Variants in ECI1 observed in about 807,000 individuals in gnomAD.
The protein encoded by ECI1 is enoyl-CoA delta isomerase 1, also known as enoyl-CoA delta isomerase 1, mitochondrial.
ECI1 carries 34 observed loss-of-function variants against 34.2 expected under a neutral mutation model. The observed-to-expected ratio is 1.00, with a 90% CI of 0.76 to 1.33. The LOEUF (loss-of-function observed/expected upper bound fraction) is 1.33, where lower values mean the gene tolerates loss of function less well. ECI1 is among the 40% of genes most tolerant of loss of function. The pLI is 0.00. For missense variants in ECI1, 456 were observed against 422.2 expected (o/e 1.08, Z -0.70); for synonymous variants, 211 against 193.0 (o/e 1.09, Z -0.77).
Position 2,242,801 on chromosome 16 carries a change from G to A in ECI1, c.742+245C>T, listed in dbSNP as rs1477507079. 63 of 553,294 alleles carry A rather than the reference G, an allele frequency of 1.1e-4. 1 individual carries two copies. In the South Asian group the frequency reaches 1.2e-3, roughly 11 times the overall value. 34.3% of individuals were successfully genotyped at this position (553,294 alleles called of 1,614,324 possible). On this transcript the variant is annotated intron_variant, in intron 6 of 6. Coordinates refer to ENST00000301729, the MANE Select transcript of ECI1 (RefSeq NM_001919.4). ...GGGCAGGAAGGAGCCTCCCTGGAAC[G>A]CAGGGAGGAAGTGCAGTCCTGCCCA...
Position 2,243,230 on chromosome 16 carries a change from A to T in ECI1, c.564-6T>A. 6.2e-7 allele frequency: 1 copy of T among 1,612,646 alleles called. No homozygotes were observed. Among genetic ancestry groups the T allele is most frequent in the African/African-American group, 1.3e-5 (1 of 75,058 alleles). On this transcript the variant is annotated splice_region_variant and splice_polypyrimidine_tract_variant and intron_variant, in intron 5 of 6. Coordinates refer to ENST00000301729, the MANE Select transcript of ECI1 (RefSeq NM_001919.4). ...TCTCCAGGGTGTCTTTCAACCTGGA[A>T]ATGCAGACACCCACTCACCACATGG...
chr16:2,250,036 T>G (rs902720265), intron 2 of ECI1, among the ~76,000 whole-genome samples: 2 of 150,232 alleles, frequency 1.3e-5, no homozygotes, highest in Non-Finnish European at 3.0e-5. Flanking sequence ...AATAATTTTT[T>G]TTTTTGCATT....
intron 2 of ECI1, among the ~76,000 whole-genome samples, chr16:2,248,636 A>T (rs1471826292): frequency 6.6e-6 from 1 of 150,628 alleles, no homozygotes; most frequent in Non-Finnish European, 1.5e-5. Context: ...CTGGTCATGA[A>T]CTTCTGACCT....
chr16:2,241,763 C>T (rs888897051), intron 6 of ECI1: 3 of 152,106 alleles, frequency 2.0e-5, no homozygotes, highest in African/African-American at 4.8e-5. Flanking sequence ...ATGATCTTGG[C>T]TCACTGCAAC....
intron 6 of ECI1, chr16:2,240,967 T>C (rs897150961): frequency 1.3e-5 from 2 of 152,114 alleles, no homozygotes; most frequent in African/African-American, 4.8e-5. Flanking sequence ...AGTGCCGGGA[T>C]TGCAGGTGTG....
intron 3 of ECI1, among the ~76,000 whole-genome samples, chr16:2,245,404 G>A (rs969374471): frequency 2.0e-5 from 3 of 152,238 alleles, no homozygotes; most frequent in African/African-American, 7.2e-5. Context: ...CGAGGAGGAG[G>A]CGGCTGGGAC....
chr16:2,243,290 G>C (rs1295006228), intron 5 of ECI1, 28 bp downstream of exon 5: 3 of 1,613,374 alleles, frequency 1.9e-6, no homozygotes, highest in Non-Finnish European at 2.5e-6. Flanking sequence ...CAACAAGCAT[G>C]GAGCGTGGCT....
Position 2,244,355 on chromosome 16 carries a change from G to A in ECI1, c.441+51C>T. 4 of 1,588,550 alleles carry A rather than the reference G, an allele frequency of 2.5e-6. No homozygotes were observed. The East Asian group carries it at 9.1e-5, about 36-fold the overall frequency. ...CAGGACAGTGTCTGTCCCACCCCCTGGCGCTGGCCCAGAACAGCCAGCGAG... is the reference window on the plus strand; with the variant it reads ...CAGGACAGTGTCTGTCCCACCCCCTAGCGCTGGCCCAGAACAGCCAGCGAG... On this transcript the variant is annotated intron_variant, in intron 4 of 6. Transcript: ENST00000301729.
chr16:2,240,070 T>A lies in ECI1; in HGVS notation c.818A>T (p.Asp273Val). 1 of 1,614,036 alleles carries A rather than the reference T, an allele frequency of 6.2e-7. No homozygotes were observed. Among genetic ancestry groups the A allele is most frequent in the Non-Finnish European group, 8.5e-7 (1 of 1,180,046 alleles). Residue 273 changes from aspartate (D) to valine (V), a missense_variant, in exon 7 of 7, where the codon GAC becomes GTC. By Grantham distance (152) the Asp-to-Val change is radical. Coordinates refer to ENST00000301729, the MANE Select transcript of ECI1 (RefSeq NM_001919.4). ...GATGAAGCTGACGAAGTTCTGCACG[T>A]CCGCATCGCGCTGCGTGACCAGGCG... ...ASRLVTQRDA[D>V]VQNFVSFISK... is the part of the protein sequence containing the mutation.
rs375350226 is a variant in ECI1, at chr16:2,243,334, T to C, written c.547A>G (p.Ile183Val). 1 of 1,613,708 alleles carries C rather than the reference T, an allele frequency of 6.2e-7. No homozygotes were observed. Among genetic ancestry groups the C allele is most frequent in the South Asian group, 1.1e-5 (1 of 91,088 alleles). ...GGGCCTTACCAGAAAGGGGCGATGA[T>C]GCCCAGCTGGGTCTCATTGAGTCCT... ...CIGLNETQLG[I>V]IAPFWLKDTL... The change falls in exon 5 of 7, where the codon ATC becomes GTC. Residue 183 changes from isoleucine (I) to valine (V), a missense_variant. By Grantham distance (29) the Ile-to-Val change is conservative (BLOSUM62 3). Transcript: ENST00000301729.
intron 2 of ECI1, among the ~76,000 whole-genome samples, chr16:2,248,907 G>A (rs891149622): frequency 1.3e-5 from 2 of 152,098 alleles, no homozygotes; most frequent in Admixed American, 6.6e-5. Context: ...CTGTGTCTGC[G>A]GTTTTCCTGC....
At chr16:2,246,727 G>T in intron 3 of ECI1, 132 bp downstream of exon 3, 1 of 1,411,948 alleles carries the variant, frequency 7.1e-7, no homozygotes, top group South Asian at 1.2e-5. Flanking sequence ...AGTCCAGGGT[G>T]GTGGGGCTGC....
rs2093536268 is a variant in ECI1, at chr16:2,244,668, G to GGT, written c.295-118_295-117dup. On this transcript the variant is annotated intron_variant, in intron 3 of 6. Transcript: ENST00000301729. ...CACAGCAGGGCCAGGTCACGCTCAG[G>GGT]GTGTGGGTGCTGCCCCACAGAGCCA... The GGT allele has an allele frequency of 3.5e-6, 4 of 1,154,346 alleles. No homozygotes were observed. In the South Asian group the frequency reaches 5.8e-5, roughly 17 times the overall value. 71.5% of individuals were successfully genotyped at this position (1,154,346 alleles called of 1,614,324 possible).
chr16:2,250,234 G>C (rs567775145), intron 2 of ECI1, among the ~76,000 whole-genome samples: 1 of 135,912 alleles, frequency 7.4e-6, no homozygotes, highest in Non-Finnish European at 1.5e-5. Context: ...ACTCCAGTCT[G>C]GCGACTGGAG....
intron 3 of ECI1, among the ~76,000 whole-genome samples, chr16:2,245,081 G>A (rs1228093721): frequency 6.6e-6 from 1 of 152,214 alleles, no homozygotes; most frequent in African/African-American, 2.4e-5. Context: ...TCCCACGGCT[G>A]GAGTAGCGGG....
At chr16:2,243,654 C>T (rs1242139624) in intron 4 of ECI1, among the ~76,000 whole-genome samples, 1 of 152,194 alleles carries the variant, frequency 6.6e-6, no homozygotes, top group Non-Finnish European at 1.5e-5. Flanking sequence ...GTCTGAGGCT[C>T]GTCCTCAGCC....
chr16:2,246,791 C>A (rs776799008), intron 3 of ECI1, 68 bp downstream of exon 3: 1 of 1,608,116 alleles, frequency 6.2e-7, no homozygotes, highest in Non-Finnish European at 8.5e-7. Flanking sequence ...GTGCAACAGG[C>A]CTGGGCTCAC....
Position 2,251,329 on chromosome 16 carries a change from C to T in ECI1, c.153G>A (p.Pro51=), listed in dbSNP as rs1245138636. ...RFGSQRVLVE[P]DAGAGVAVMK... ...CCGCCCGCTCACCTGCGCCCGCGTC[C>T]GGCTCCACCAGCACCCGCTGGCTCC... Residue 51 remains proline (P), a synonymous_variant, in exon 2 of 7, where the codon CCG becomes CCA. Transcript: ENST00000301729. 1.6e-6 allele frequency: 2 copies of T among 1,232,530 alleles called. No homozygotes were observed. The highest frequency in any genetic ancestry group is 1.6e-5 in the African/African-American group (1 of 63,140). The allele number at this position is 1,232,530 out of a possible 1,614,324, so 76.3% of individuals were successfully genotyped here. A position where few individuals can be genotyped will look rare whatever the true frequency, so the allele number is the denominator to read the frequency against.
chr16:2,248,394 C>T (rs1026687962), intron 2 of ECI1, among the ~76,000 whole-genome samples: 1 of 151,074 alleles, frequency 6.6e-6, no homozygotes, highest in Non-Finnish European at 1.5e-5. Flanking sequence ...CCACCATGCC[C>T]GGCCAAATTA....
Sources: allele counts gnomAD v4.1 joint callset (sites outside exome capture counted in the v4.1 genomes callset), GRCh38; gene constraint gnomAD v4.1.1; transcripts MANE v1.5; gene names NCBI Gene and HGNC (gene_info 2026-07-23, HGNC 2026-07-21).